CNTN1: variants seen among roughly 807,000 people sequenced by gnomAD.
CNTN1 encodes the protein contactin-1.
CNTN1 carries 38 observed loss-of-function variants against 126.4 expected under a neutral mutation model. The observed-to-expected ratio is 0.30, with a 90% confidence interval of 0.23 to 0.39. The LOEUF is 0.39. Among genes scored for constraint, CNTN1 ranks in the 10% least tolerant of loss-of-function variants. The probability of loss-of-function intolerance (pLI) is 1.00; values close to 1 mark genes in which losing one functional copy is unlikely to be tolerated. For synonymous variants in CNTN1, 413 were observed against 422.6 expected, an observed-to-expected ratio of 0.98 and a Z score of 0.28; for missense variants, 1,009 against 1,248.4, an observed-to-expected ratio of 0.81 and a Z score of 2.89.
intron 1 of CNTN1, among the ~76,000 whole-genome samples, chr12:40,709,257 G>A (rs1439742375): frequency 6.6e-6 from 1 of 152,180 alleles, no homozygotes; most frequent in Non-Finnish European, 1.5e-5. Context: ...TTGTCAATGA[G>A]CAGTAATATT....
intron 14 of CNTN1, among the ~76,000 whole-genome samples, chr12:40,958,250 T>C (rs1295884697): frequency 6.6e-6 from 1 of 151,852 alleles, no homozygotes; most frequent in Non-Finnish European, 1.5e-5. Flanking sequence ...TAATAAGACC[T>C]ATCTCATAGG....
intron 1 of CNTN1, among the ~76,000 whole-genome samples, chr12:40,733,698 TATTTAAAAAGAATAA>T (rs1300011909): frequency 2.0e-5 from 3 of 152,010 alleles, no homozygotes; most frequent in Non-Finnish European, 4.4e-5. Flanking sequence ...AAATATTTTA[TATTTAAAAAGAATAA>T]ATATTCTTTC....
intron 23 of CNTN1, among the ~76,000 whole-genome samples, chr12:41,037,704 ATTTATATATAACAT>A (rs1949298046): frequency 6.6e-6 from 1 of 150,962 alleles, no homozygotes; most frequent in Admixed American, 6.6e-5. Context: ...ACACACACAT[ATTTATATATAACAT>A]GTGAAACTTC....
chr12:40,703,468 A>G (rs988419767), intron 1 of CNTN1, among the ~76,000 whole-genome samples: 1 of 152,192 alleles, frequency 6.6e-6, no homozygotes, highest in Non-Finnish European at 1.5e-5. Context: ...ATTTTGGAAA[A>G]TTTACTCAGT....
chr12:40,773,658 C>CATATAT (rs1255206640), intron 1 of CNTN1, among the ~76,000 whole-genome samples: 5 of 8,286 alleles, frequency 6.0e-4, no homozygotes, highest in African/African-American at 1.1e-3. Flanking sequence ...TATATATACA[C>CATATAT]ATATATATAT....
intron 1 of CNTN1, among the ~76,000 whole-genome samples, chr12:40,720,578 T>G (rs1437711818): frequency 6.6e-6 from 1 of 152,226 alleles, no homozygotes; most frequent in African/African-American, 2.4e-5. Context: ...GATAATTGAA[T>G]GATATTTTAA....
At chr12:40,989,771 G>A (rs1293894853) in intron 16 of CNTN1, among the ~76,000 whole-genome samples, 1 of 152,084 alleles carries the variant, frequency 6.6e-6, no homozygotes, top group Non-Finnish European at 1.5e-5. Flanking sequence ...TGAATAAAAA[G>A]TAGAAGAAAT....
chr12:41,010,514 C>T (rs1265833636), intron 17 of CNTN1, among the ~76,000 whole-genome samples: 1 of 152,158 alleles, frequency 6.6e-6, no homozygotes, highest in African/African-American at 2.4e-5. Context: ...CTCCTGGTCC[C>T]TATTATAAAA....
intron 1 of CNTN1, among the ~76,000 whole-genome samples, chr12:40,843,065 C>T (rs1942349736): frequency 6.6e-6 from 1 of 152,192 alleles, no homozygotes; most frequent in Non-Finnish European, 1.5e-5. Context: ...CCAGAATCAA[C>T]ACTGTCAGCT....
chr12:40,954,809 A>G (rs962898095), intron 14 of CNTN1, among the ~76,000 whole-genome samples: 1 of 152,110 alleles, frequency 6.6e-6, no homozygotes, highest in African/African-American at 2.4e-5. Context: ...AGCTTCTATT[A>G]TCTTCTCCCC....
intron 1 of CNTN1, among the ~76,000 whole-genome samples, chr12:40,765,819 T>C (rs1357767446): frequency 6.6e-6 from 1 of 152,226 alleles, no homozygotes; most frequent in Non-Finnish European, 1.5e-5. Flanking sequence ...TCCTGCTGTA[T>C]ACAGGTCACT....
chr12:40,988,825 GT>G (rs1057055907), intron 16 of CNTN1, among the ~76,000 whole-genome samples: 1 of 152,022 alleles, frequency 6.6e-6, no homozygotes, highest in South Asian at 2.1e-4. Flanking sequence ...ACAAAGTTTA[GT>G]TTTTTTTAAA....
intron 1 of CNTN1, among the ~76,000 whole-genome samples, chr12:40,765,565 C>G (rs115983128): frequency 6.6e-6 from 1 of 152,072 alleles, no homozygotes; most frequent in African/African-American, 2.4e-5. Context: ...GTTTGGTTAA[C>G]AGAGTCAAGG....
chr12:40,880,683 A>G (rs1457111708), intron 1 of CNTN1, among the ~76,000 whole-genome samples: 2 of 152,050 alleles, frequency 1.3e-5, no homozygotes, highest in East Asian at 3.8e-4. Context: ...CTGACCAAGA[A>G]AAGAACAGGT....
chr12:40,887,358 T>C (rs1460564528), intron 1 of CNTN1, among the ~76,000 whole-genome samples: 2 of 152,236 alleles, frequency 1.3e-5, no homozygotes, highest in Non-Finnish European at 2.9e-5. Flanking sequence ...GCGAAGGATG[T>C]GAACAGACAC....
intron 14 of CNTN1, among the ~76,000 whole-genome samples, chr12:40,958,345 G>A (rs868691308): frequency 4.2e-5 from 5 of 118,930 alleles, no homozygotes; most frequent in South Asian, 5.2e-4. Context: ...ATGTGTGTGT[G>A]TATATATGTG....
chr12:40,712,077 C>T (rs1453475068), intron 1 of CNTN1, among the ~76,000 whole-genome samples: 2 of 152,150 alleles, frequency 1.3e-5, no homozygotes, highest in African/African-American at 4.8e-5. Context: ...CTTGAATTCA[C>T]TCTATACCTC....
At chr12:41,030,451 G>T (rs1477931126) in intron 23 of CNTN1, among the ~76,000 whole-genome samples, 1 of 151,858 alleles carries the variant, frequency 6.6e-6, no homozygotes, top group East Asian at 1.9e-4. Flanking sequence ...AAATTACAGA[G>T]ATGTGAAAGG....
intron 1 of CNTN1, among the ~76,000 whole-genome samples, chr12:40,841,200 TC>T (rs1942266199): frequency 6.6e-6 from 1 of 151,816 alleles, no homozygotes; most frequent in South Asian, 2.1e-4. Flanking sequence ...ATGGATAAAT[TC>T]CTAGAAACAT....
Sources: gnomAD v4.1 joint callset for allele counts (sites outside exome capture counted in the v4.1 genomes callset) on GRCh38, gnomAD v4.1.1 for gene constraint, MANE v1.5 for transcripts, NCBI Gene and HGNC (gene_info 2026-07-23, HGNC 2026-07-21) for gene names.